The following ZFP64 variants were observed in gnomAD, a reference collection of about 807,000 sequenced individuals.
The protein encoded by ZFP64 is ZFP64 zinc finger protein.
Under a neutral mutation model 51.6 loss-of-function variants are expected in ZFP64, and 14 were observed. That is an observed-to-expected ratio of 0.27 (90% CI 0.18 to 0.42). The LOEUF is 0.42. Among genes scored for constraint, ZFP64 ranks in the 10% least tolerant of loss-of-function variants. The probability of loss-of-function intolerance (pLI) is 1.00; values close to 1 mark genes in which losing one functional copy is unlikely to be tolerated. For synonymous variants in ZFP64, 375 were observed against 361.4 expected, an observed-to-expected ratio of 1.04 and a Z score of -0.43; for missense variants, 754 against 906.8, an observed-to-expected ratio of 0.83 and a Z score of 2.16.
At chr20:52,150,769 A>G (rs543014620), downstream of ZFP64, among the ~76,000 whole-genome samples, 1 of 152,320 alleles carries the variant, frequency 6.6e-6, no homozygotes, top group Admixed American at 6.5e-5. Flanking sequence ...GACAGCAGAA[A>G]TGAGTGCTAT....
chr20:52,157,647 C>T (rs969619101), intron 5 of ZFP64, among the ~76,000 whole-genome samples: 3 of 152,178 alleles, frequency 2.0e-5, no homozygotes, highest in African/African-American at 7.2e-5. Flanking sequence ...TGACAAATGC[C>T]TCCCGTTCTT....
intron 5 of ZFP64, chr20:52,105,560 G>A: frequency 4.0e-6 from 1 of 253,104 alleles, no homozygotes; most frequent in Non-Finnish European, 7.4e-6. Context: ...TGATTCGCAT[G>A]CACATTAAAG....
chr20:52,138,312 C>T (rs1980083161), intron 5 of ZFP64, among the ~76,000 whole-genome samples: 1 of 151,816 alleles, frequency 6.6e-6, no homozygotes, highest in Non-Finnish European at 1.5e-5. Flanking sequence ...GAGAAAACCA[C>T]AAACTTTAAT....
intron 2 of ZFP64, among the ~76,000 whole-genome samples, chr20:52,167,183 G>A (rs1162183291): frequency 6.6e-6 from 1 of 151,846 alleles, no homozygotes; most frequent in Admixed American, 6.6e-5. Context: ...AAATTAGCTG[G>A]GCATGGTGGC....
Position 52,176,376 on chromosome 20 carries a change from T to C in ZFP64, c.287-10351A>G, listed in dbSNP as rs1375365288. 5.3e-5 allele frequency among the ~76,000 whole-genome samples: 8 copies of C among 152,162 alleles called. No homozygotes were observed. The East Asian group carries it at 1.4e-3, about 26-fold the overall frequency. On this transcript the variant is annotated intron_variant, in intron 2 of 5. Transcript: ENST00000216923. ...AGTGCTTATCCAACCACAATCTCTC[T>C]AAAATGTGGATTCTGATCAGCAGTT...
intron 2 of ZFP64, among the ~76,000 whole-genome samples, chr20:52,181,672 T>G (rs895523526): frequency 3.9e-5 from 6 of 152,246 alleles, no homozygotes; most frequent in African/African-American, 1.4e-4. Flanking sequence ...CAGTGAATAA[T>G]TCTCCAACCT....
At chr20:52,176,493 G>T (rs888872401) in intron 2 of ZFP64, among the ~76,000 whole-genome samples, 1 of 150,980 alleles carries the variant, frequency 6.6e-6, no homozygotes, top group Middle Eastern at 3.4e-3. Flanking sequence ...TCTAGCTTCT[G>T]GTTCAATCTC....
chr20:52,110,904 A>G, intron 5 of ZFP64: 1 of 1,608,938 alleles, frequency 6.2e-7, no homozygotes, highest in East Asian at 2.2e-5. Flanking sequence ...AGTTTTCAGC[A>G]AGACGCCTGA....
chr20:52,102,048 G>A (rs142341875), intron 5 of ZFP64, among the ~76,000 whole-genome samples: 13 of 144,938 alleles, frequency 9.0e-5, no homozygotes, highest in Non-Finnish European at 1.8e-4. Flanking sequence ...TGGGGCAGAG[G>A]TTGCAGTGAG....
intron 5 of ZFP64, among the ~76,000 whole-genome samples, chr20:52,159,404 G>A (rs922707565): frequency 2.0e-5 from 3 of 152,200 alleles, no homozygotes; most frequent in African/African-American, 2.4e-5. Context: ...TGGCTTATAC[G>A]TGTATTTCAT....
intron 5 of ZFP64, among the ~76,000 whole-genome samples, chr20:52,138,143 G>A (rs985198808): frequency 3.0e-4 from 46 of 152,018 alleles, no homozygotes; most frequent in Non-Finnish European, 2.6e-4. Context: ...GGAGGTAAAG[G>A]CTGCAGTGAG....
At chr20:52,142,419 A>G (rs914914412) in intron 5 of ZFP64, among the ~76,000 whole-genome samples, 1 of 95,230 alleles carries the variant, frequency 1.1e-5, no homozygotes, top group Non-Finnish European at 2.3e-5. Context: ...CACACACACA[A>G]ATTGCTTAAT....
rs138800173 is a variant in ZFP64 at position 52,187,574 on chromosome 20, A to G, written c.47-503T>C. 4.3e-3 allele frequency among the ~76,000 whole-genome samples: 653 copies of G among 152,206 alleles called. 4 individuals carry two copies. Among genetic ancestry groups the G allele is most frequent in the African/African-American group, 0.014 (600 of 41,516 alleles). On this transcript the variant is annotated intron_variant, in intron 1 of 5. Coordinates refer to ENST00000216923, the MANE Select transcript of ZFP64 (RefSeq NM_018197.3). ...CAGGCAGAGGTTGCAGTGAGCTGAG[A>G]TCACACCATTGCACTCCAGCCTGGG...
chr20:52,109,780 CAAAAAAAAAAAAA>C (rs779914417), intron 5 of ZFP64, among the ~76,000 whole-genome samples: 1 of 46,124 alleles, frequency 2.2e-5, no homozygotes, highest in Non-Finnish European at 4.5e-5. Flanking sequence ...AATTCCACCT[CAAAAAAAAAAAAA>C]AAAAAAAAAG....
intron 5 of ZFP64, chr20:52,111,080 G>A: frequency 9.2e-7 from 1 of 1,086,104 alleles, no homozygotes; most frequent in Non-Finnish European, 1.4e-6. Context: ...AAGCCCAGGA[G>A]AAGGGGAAGC....
intron 7 of ZFP64, among the ~76,000 whole-genome samples, chr20:52,091,817 G>A (rs1224736821): frequency 8.5e-6 from 1 of 118,220 alleles, no homozygotes; most frequent in East Asian, 2.8e-4. Context: ...GAGAAACCCC[G>A]TCTCTACTAA....
At chr20:52,124,827 C>T (rs1011716458) in intron 5 of ZFP64, among the ~76,000 whole-genome samples, 6 of 151,646 alleles carry the variant, frequency 4.0e-5, no homozygotes, top group African/African-American at 1.2e-4. Context: ...TGGTCTTGAA[C>T]TTCTGGGCTC....
intron 7 of ZFP64, chr20:52,097,016 T>C: frequency 1.6e-6 from 1 of 610,084 alleles, no homozygotes; most frequent in South Asian, 1.4e-5. Flanking sequence ...GCCAACAGGC[T>C]GAGTTGCCCA....
At chr20:52,100,559 G>A (rs4811292) in intron 5 of ZFP64, among the ~76,000 whole-genome samples, 119,005 of 152,186 alleles carry the variant, frequency 0.78, 47,092 homozygotes, top group African/African-American at 0.89. Flanking sequence ...TAAAGTCTTA[G>A]AAGATTGACT....
Sources: gnomAD v4.1 joint callset for allele counts (sites outside exome capture counted in the v4.1 genomes callset) on GRCh38, gnomAD v4.1.1 for gene constraint, MANE v1.5 for transcripts, NCBI Gene and HGNC (gene_info 2026-07-23, HGNC 2026-07-21) for gene names.